Variants in PSMD12 observed in about 807,000 individuals in gnomAD.
PSMD12 encodes 26S proteasome non-ATPase regulatory subunit 12.
Under a neutral mutation model 62.9 loss-of-function variants are expected in PSMD12, and 8 were observed. That is an observed-to-expected ratio of 0.13 (90% CI 0.07 to 0.23). The LOEUF is 0.23. PSMD12 is among the 10% of genes least tolerant of loss of function. The probability of loss-of-function intolerance (pLI) is 1.00; values close to 1 mark genes in which losing one functional copy is unlikely to be tolerated. For missense variants in PSMD12, 424 were observed against 550.2 expected, an observed-to-expected ratio of 0.77 and a Z score of 2.29; for synonymous variants, 173 against 187.4, an observed-to-expected ratio of 0.92 and a Z score of 0.63.
intron 1 of PSMD12, chr17:67,362,779 G>A (rs374913663): frequency 2.6e-5 from 4 of 151,366 alleles, no homozygotes; most frequent in African/African-American, 9.7e-5. Context: ...ATATTACCTT[G>A]AGTAAAACAC....
In PSMD12 at chr17:67,348,572, G is replaced by T. The variant is rs1204891103; in HGVS notation, c.488C>A (p.Ala163Asp). 6.2e-7 allele frequency: 1 copy of T among 1,613,548 alleles called. No homozygotes were observed. The highest frequency in any genetic ancestry group is 2.2e-5 in the East Asian group (1 of 44,876). Reference protein sequence around the residue: ...KEQNGDVKEAASILQELQVET... With the variant: ...KEQNGDVKEADSILQELQVET... ...TACCTGTAACTCCTGTAAAATGGAG[G>T]CTGCCTCTTTCACATCACCATTTTG... is the stretch of plus-strand genomic sequence containing the variant. Residue 163 changes from alanine (A) to aspartate (D), a missense_variant, in exon 5 of 11, where the codon GCC (alanine) becomes GAC (aspartate). By Grantham distance (126) the Ala-to-Asp change is moderately radical (BLOSUM62 -2). Transcript: ENST00000356126.
At chr17:67,352,191 C>T (rs776801458) in intron 3 of PSMD12, among the ~76,000 whole-genome samples, 31 of 152,072 alleles carry the variant, frequency 2.0e-4, no homozygotes, top group Non-Finnish European at 3.5e-4. Context: ...TTCCTGGGCT[C>T]ATGTGATCTT....
intron 9 of PSMD12, among the ~76,000 whole-genome samples, chr17:67,344,042 G>A (rs184018066): frequency 1.6e-3 from 248 of 152,214 alleles, no homozygotes; most frequent in African/African-American, 5.7e-3. Flanking sequence ...GTGCCCTGGT[G>A]CTTTGTAAAG....
At chr17:67,356,010 G>T in intron 3 of PSMD12, among the ~76,000 whole-genome samples, 1 of 100,420 alleles carries the variant, frequency 1.0e-5, no homozygotes, top group Middle Eastern at 4.8e-3. Flanking sequence ...ACACACACAC[G>T]CACACACACA....
chr17:67,357,219 T>C (rs1723443704), intron 3 of PSMD12, 84 bp downstream of exon 3: 3 of 1,450,712 alleles, frequency 2.1e-6, no homozygotes, highest in African/African-American at 2.8e-5. Context: ...TTAACACATT[T>C]TAAACAGACT....
rs1388460098 is a variant in PSMD12 at position 67,342,243 on chromosome 17, C to A, written c.1104G>T (p.Lys368Asn). ...TTTTCATTGTTATCCGAGTATAATA[C>A]TTGGCCATTATTCTAATATTCTGGG... ...VVEHNIRIMA[K>N]YYTRITMKRM... The change falls in exon 10 of 11, where the codon AAG (lysine) becomes AAT (asparagine). Residue 368 changes from lysine (K) to asparagine (N), a missense_variant. Physicochemically the swap from Lys to Asn is moderately conservative, Grantham distance 94. Transcript: ENST00000356126. The A allele has an allele frequency of 6.3e-7, 1 of 1,582,944 alleles. No homozygotes were observed. The highest frequency in any genetic ancestry group is 1.7e-5 in the Admixed American group (1 of 59,786).
Position 67,357,335 on chromosome 17 carries a change from G to A in PSMD12, c.265C>T (p.Leu89Phe), listed in dbSNP as rs767423083. The A allele has an allele frequency of 3.2e-5, 51 of 1,613,434 alleles. No individual in the cohort carries two copies. The Admixed American group carries it at 6.3e-4, about 20-fold the overall frequency. The change falls in exon 3 of 11, where the codon CTT becomes TTT. Residue 89 changes from leucine to phenylalanine, a missense_variant. Leu to Phe is a conservative substitution (Grantham distance 22). Transcript: ENST00000356126. ...EWDLLNENIMLLSKRRSQLKQ... is the reference protein window; with the variant it reads ...EWDLLNENIMFLSKRRSQLKQ... Reference sequence around the variant, plus strand: ...AACTGACTCCGCCTTTTGGACAAAAGCATAATATTTTCATTAAGTAAATCC... The same window carrying A: ...AACTGACTCCGCCTTTTGGACAAAAACATAATATTTTCATTAAGTAAATCC...
chr17:67,366,178 C>T (rs7207883), intron 1 of PSMD12, among the ~76,000 whole-genome samples: 73,823 of 152,120 alleles, frequency 0.49, 18,312 homozygotes, highest in Non-Finnish European at 0.55. Flanking sequence ...CCCTAAGTCC[C>T]ACGGAGGGAA....
chr17:67,357,487 G>T, intron 2 of PSMD12, 32 bp downstream of exon 2: 1 of 1,612,672 alleles, frequency 6.2e-7, no homozygotes, highest in Non-Finnish European at 8.5e-7. Context: ...TGAAATTAAT[G>T]GTAACTGAGC....
chr17:67,359,750 G>A (rs2042112632), intron 1 of PSMD12, among the ~76,000 whole-genome samples: 1 of 152,000 alleles, frequency 6.6e-6, no homozygotes, highest in African/African-American at 2.4e-5. Context: ...AACGTTTCCT[G>A]TTTGGAGAGC....
chr17:67,359,655 C>CATAT (rs2042111416), intron 1 of PSMD12, among the ~76,000 whole-genome samples: 1 of 152,134 alleles, frequency 6.6e-6, no homozygotes, highest in East Asian at 1.9e-4. Context: ...ATGAATCTTC[C>CATAT]ATGCGGCACA....
chr17:67,343,852 C>A (rs371944616), intron 9 of PSMD12, among the ~76,000 whole-genome samples: 2 of 151,730 alleles, frequency 1.3e-5, no homozygotes, highest in Non-Finnish European at 2.9e-5. Context: ...TACAGGTGTG[C>A]GCCACCACGC....
rs992811117 is a variant in PSMD12, at chr17:67,340,846, T to A, written c.1368A>T (p.Gln456His). ...IAKEEMIHNL[Q>H] ...TTTTTCTAAAGCACTAAGACCCTTA[T>A]TGTAGATTATGTATCATCTCCTCTT... is the stretch of plus-strand genomic sequence containing the variant. The change falls in exon 11 of 11, where the codon CAA becomes CAT. Residue 456 changes from glutamine (Q) to histidine (H), a missense_variant. Gln to His is a conservative substitution (Grantham distance 24). Transcript: ENST00000356126. The A allele has an allele frequency of 6.4e-7, 1 of 1,569,078 alleles. No homozygotes were observed. The highest frequency in any genetic ancestry group is 8.6e-7 in the Non-Finnish European group (1 of 1,162,718).
At position 67,365,032 on chromosome 17, in the gene PSMD12, A is replaced by T. The variant is rs963722796; in HGVS notation, c.108+1380T>A. On this transcript the variant is annotated intron_variant, in intron 1 of 10. Transcript: ENST00000356126. ...GTGAAACCCCGTCTCTACTAAAAGT[A>T]CAAAAATTAGCCGGGCGTGGTGGCA... Among the ~76,000 whole-genome samples, 20 of 152,112 alleles carry T rather than the reference A, an allele frequency of 1.3e-4. 1 individual carries two copies. The highest frequency in any genetic ancestry group is 2.4e-4 in the Non-Finnish European group (16 of 68,020).
At chr17:67,358,251 G>A (rs2042095203) in intron 1 of PSMD12, among the ~76,000 whole-genome samples, 1 of 152,056 alleles carries the variant, frequency 6.6e-6, no homozygotes, top group Non-Finnish European at 1.5e-5. Flanking sequence ...GACTCTAAGT[G>A]GTAGTCACAT....
chr17:67,342,859 C>A (rs1013462514), intron 9 of PSMD12, among the ~76,000 whole-genome samples: 1 of 151,466 alleles, frequency 6.6e-6, no homozygotes, highest in Non-Finnish European at 1.5e-5. Context: ...TTCTTTGAAC[C>A]CGAGAATTCA....
At chr17:67,363,263 T>C (rs1264352144) in intron 1 of PSMD12, among the ~76,000 whole-genome samples, 2 of 152,212 alleles carry the variant, frequency 1.3e-5, no homozygotes, top group East Asian at 1.9e-4. Flanking sequence ...GCGATCCTCC[T>C]GCCTCAGCCT....
intron 7 of PSMD12, among the ~76,000 whole-genome samples, 192 bp from the exon 8 acceptor site, chr17:67,346,049 C>T (rs894129467): frequency 3.3e-5 from 5 of 151,654 alleles, no homozygotes; most frequent in Middle Eastern, 3.2e-3. Context: ...CAGATCGAGG[C>T]TATCCTGGCT....
intron 3 of PSMD12, among the ~76,000 whole-genome samples, chr17:67,356,442 C>G (rs922831315): frequency 2.7e-5 from 4 of 148,494 alleles, no homozygotes; most frequent in African/African-American, 9.8e-5. Flanking sequence ...CCTGTAGTCC[C>G]AGCTACTCGG....
Sources: allele counts gnomAD v4.1 joint callset (sites outside exome capture counted in the v4.1 genomes callset), GRCh38; gene constraint gnomAD v4.1.1; transcripts MANE v1.5; gene names NCBI Gene and HGNC (gene_info 2026-07-23, HGNC 2026-07-21).